The following KCNQ1 variants were observed in gnomAD, a reference collection of about 807,000 sequenced individuals.
KCNQ1 encodes the protein potassium voltage-gated channel subfamily KQT member 1.
KCNQ1 carries 49 observed loss-of-function variants against 72.4 expected under a neutral mutation model. That is an observed-to-expected ratio of 0.68 (90% CI 0.54 to 0.86). The LOEUF (loss-of-function observed/expected upper bound fraction) is 0.86. KCNQ1 is among the 40% of genes least tolerant of loss of function. The probability of loss-of-function intolerance (pLI) is 0.00; values close to 1 mark genes in which losing one functional copy is unlikely to be tolerated. For synonymous variants in KCNQ1, 450 were observed against 412.6 expected, an observed-to-expected ratio of 1.09 and a Z score of -1.10; for missense variants, 790 against 945.1, an observed-to-expected ratio of 0.84 and a Z score of 2.15.
chr11:2,501,718 C>CAAAAAAAAAAAAAAAAAAAAAAAA (rs55865890), intron 1 of KCNQ1, among the ~76,000 whole-genome samples: 1 of 68,888 alleles, frequency 1.5e-5, no homozygotes, highest in Non-Finnish European at 2.9e-5. Context: ...AAAGATACAT[C>CAAAAAAAAAAAAAAAAAAAAAAAA]AAAAAAAAAA....
rs147619994 is a variant in KCNQ1, at chr11:2,617,375, A to T, written c.1393+28521A>T. The T allele has an allele frequency of 2.1e-3, 825 of 398,454 alleles. 8 individuals carry two copies. Among genetic ancestry groups the T allele is most frequent in the African/African-American group, 0.015 (709 of 48,738 alleles). The allele number at this position is 398,454 out of a possible 1,614,324, so 24.7% of individuals were successfully genotyped here. A position where few individuals can be genotyped will look rare whatever the true frequency, so the allele number is the denominator to read the frequency against. ...TATTTAACTTAGCACAATGTCTTCC[A>T]GTTTCATCCATGTGGCAAGTGGCAG... On this transcript the variant is annotated intron_variant, in intron 10 of 15. Transcript: ENST00000155840. This position sits in a 1 kb window ranked among gnomAD's most constrained non-coding sequence, Gnocchi z 4.6.
At chr11:2,841,403 G>T (rs1355344094) in intron 15 of KCNQ1, among the ~76,000 whole-genome samples, 1 of 152,168 alleles carries the variant, frequency 6.6e-6, no homozygotes, top group East Asian at 1.9e-4. Context: ...AACAGGTTGG[G>T]GGCATAGCCA....
chr11:2,489,785 C>T (rs1846804666), intron 1 of KCNQ1, among the ~76,000 whole-genome samples: 1 of 152,154 alleles, frequency 6.6e-6, no homozygotes, highest in Admixed American at 6.5e-5. Context: ...GAAGGGAATC[C>T]ACTGCCTTGG....
chr11:2,699,514 A>AGGAGAGTGCCGCGCTGAGGAGCCCCCGG (rs1564862442), intron 11 of KCNQ1: 1 of 174,300 alleles, frequency 5.7e-6, no homozygotes, highest in African/African-American at 4.3e-5. Flanking sequence ...AGGAGCCCCC[A>AGGAGAGTGCCGCGCTGAGGAGCCCCCGG]GGAGAGTGCC....
Position 2,652,882 on chromosome 11 carries a change from G to A in KCNQ1, c.1394-9079G>A. On this transcript the variant is annotated intron_variant, in intron 10 of 15. Transcript: ENST00000155840. This position sits in a 1 kb window ranked among gnomAD's most constrained non-coding sequence, Gnocchi z 5.9. ...TACTTATTCTAAGGAGAAGTGTTTGGGGTGTGGGGTGTGGTCCTCAGTATC... is the reference window on the plus strand; with the variant it reads ...TACTTATTCTAAGGAGAAGTGTTTGAGGTGTGGGGTGTGGTCCTCAGTATC... 2.5e-6 allele frequency: 1 copy of A among 398,634 alleles called. No individual in the cohort carries two copies. Among genetic ancestry groups the A allele is most frequent in the African/African-American group, 2.1e-5 (1 of 48,730 alleles). 24.7% of individuals were successfully genotyped at this position (398,634 alleles called of 1,614,324 possible). A position where few individuals can be genotyped will look rare whatever the true frequency, so the allele number is the denominator to read the frequency against.
intron 10 of KCNQ1, chr11:2,631,978 C>T (rs914991204): frequency 2.8e-5 from 11 of 395,936 alleles, no homozygotes; most frequent in Admixed American, 1.8e-4. Context: ...GTCAGGAGAT[C>T]GAGACCATCC....
chr11:2,487,010 T>C (rs1029044183), intron 1 of KCNQ1, among the ~76,000 whole-genome samples: 1 of 152,250 alleles, frequency 6.6e-6, no homozygotes, highest in African/African-American at 2.4e-5. Flanking sequence ...TAGTTTTACG[T>C]TGCACATTTA....
chr11:2,521,232 C>T (rs1564805074), intron 1 of KCNQ1, among the ~76,000 whole-genome samples: 1 of 152,096 alleles, frequency 6.6e-6, no homozygotes, highest in African/African-American at 2.4e-5. Context: ...TCTCCCCGGC[C>T]CCGCCATCCT....
intron 13 of KCNQ1, among the ~76,000 whole-genome samples, chr11:2,776,745 G>A (rs1184149836): frequency 1.3e-5 from 2 of 152,174 alleles, no homozygotes; most frequent in Non-Finnish European, 2.9e-5. Flanking sequence ...CCCCAGGGAG[G>A]AAGTCTGAGA....
At chr11:2,527,093 G>A (rs752596435) in intron 1 of KCNQ1, among the ~76,000 whole-genome samples, 74 of 152,322 alleles carry the variant, frequency 4.9e-4, no homozygotes, top group Middle Eastern at 3.4e-3. Context: ...TGGTTCCGGC[G>A]ATCAGAGAAG....
In KCNQ1 at chr11:2,657,485, C is replaced by T. The variant is rs2133850545; in HGVS notation, c.1394-4476C>T. On this transcript the variant is annotated intron_variant, in intron 10 of 15. Transcript: ENST00000155840. The surrounding 1 kb of genome is among the most constrained non-coding windows in gnomAD (Gnocchi z 4.8). ...ATACAGGTTCTGTTTTCTCTTGTTA[C>T]CTCACATTTTTTATTTACAGAAGAG... is the stretch of plus-strand genomic sequence containing the variant. The T allele has an allele frequency of 2.5e-6, 1 of 398,430 alleles. No homozygotes were observed. 24.7% of individuals were successfully genotyped at this position (398,430 alleles called of 1,614,324 possible).
In KCNQ1 at chr11:2,712,895, G is replaced by A. The variant is rs129074; in HGVS notation, c.1514+50814G>A. Among the ~76,000 whole-genome samples the A allele has an allele frequency of 0.47, 71,750 of 151,844 alleles. 17,848 individuals carry two copies. The highest frequency in any genetic ancestry group is 0.84 in the East Asian group (4,342 of 5,154). On this transcript the variant is annotated intron_variant, in intron 11 of 15. Transcript: ENST00000155840. The surrounding 1 kb of genome is among the most constrained non-coding windows in gnomAD (Gnocchi z 6.4). ...GGGAAATGGAAGGACTGCAGCCCCC[G>A]CCTCCCTCCAAGGCAGTTGTCAGAG... is the stretch of plus-strand genomic sequence containing the variant.
chr11:2,648,604 T>G (rs1849703707), intron 10 of KCNQ1: 1 of 398,554 alleles, frequency 2.5e-6, no homozygotes, highest in Admixed American at 4.4e-5. Context: ...TGTTATTGAT[T>G]TCCAGTTTTA....
intron 15 of KCNQ1, among the ~76,000 whole-genome samples, chr11:2,834,825 C>T (rs540342247): frequency 5.9e-5 from 9 of 152,328 alleles, no homozygotes; most frequent in Non-Finnish European, 7.4e-5. Context: ...ATGCAGGTTC[C>T]GGGGCAAGAA....
Position 2,617,022 on chromosome 11 carries a change from C to T in KCNQ1, c.1393+28168C>T, listed in dbSNP as rs181241162. On this transcript the variant is annotated intron_variant, in intron 10 of 15. Transcript: ENST00000155840. The surrounding 1 kb of genome is among the most constrained non-coding windows in gnomAD (Gnocchi z 4.6). Reference sequence around the variant, plus strand: ...TAGTGTATAAAACATACAGTTAAATCGTTAACATAGTGATGCAAATTAATA... The same window carrying T: ...TAGTGTATAAAACATACAGTTAAATTGTTAACATAGTGATGCAAATTAATA... The T allele has an allele frequency of 1.0e-5, 4 of 397,560 alleles. No homozygotes were observed. Among genetic ancestry groups the T allele is most frequent in the Admixed American group, 4.4e-5 (1 of 22,656 alleles). 24.6% of individuals were successfully genotyped at this position (397,560 alleles called of 1,614,324 possible).
rs763478809 is a variant in KCNQ1 at position 2,847,908 on chromosome 11, G to A, written c.1936G>A (p.Gly646Ser). Residue 646 changes from glycine (G) to serine (S), a missense_variant, in exon 16 of 16, where the codon GGC becomes AGC. By Grantham distance (56) the Gly-to-Ser change is moderately conservative. Around this residue, in one of 5 missense-constraint regions of KCNQ1, gnomAD observed 94 missense variants for 85.2 expected, o/e 1.10. Coordinates refer to ENST00000155840, the MANE Select transcript of KCNQ1 (RefSeq NM_000218.3). ...CATCACCCAGCCCTGCGGCAGTGGC[G>A]GCTCCGTCGACCCTGAGCTCTTCCT... ...AHITQPCGSGGSVDPELFLPS... is the reference protein window; with the variant it reads ...AHITQPCGSGSSVDPELFLPS... The A allele has an allele frequency of 1.4e-5, 22 of 1,577,500 alleles. No homozygotes were observed. The highest frequency in any genetic ancestry group is 2.3e-5 in the South Asian group (2 of 86,548).
chr11:2,833,980 TG>T (rs1378572656), intron 15 of KCNQ1, among the ~76,000 whole-genome samples: 1 of 152,088 alleles, frequency 6.6e-6, no homozygotes, highest in Non-Finnish European at 1.5e-5. Context: ...CAGCAGGGGC[TG>T]GGGGGCAGCA....
chr11:2,506,896 C>A (rs1281832812), intron 1 of KCNQ1, among the ~76,000 whole-genome samples: 2 of 152,156 alleles, frequency 1.3e-5, no homozygotes, highest in African/African-American at 4.8e-5. Flanking sequence ...CTTCTCATTT[C>A]CAACTTCTTC....
rs772994014 is a variant in KCNQ1, at chr11:2,668,870, T to C, written c.1514+6789T>C. On this transcript the variant is annotated intron_variant, in intron 11 of 15. Coordinates refer to ENST00000155840, the MANE Select transcript of KCNQ1 (RefSeq NM_000218.3). This position sits in a 1 kb window ranked among gnomAD's most constrained non-coding sequence, Gnocchi z 4.3. ...TGTTTGTGTCCTATTTAAGAAACTT[T>C]GACTACTCCAAGGTCATAAAGATAT... The C allele has an allele frequency of 2.5e-6, 1 of 398,656 alleles. No individual in the cohort carries two copies. The allele number at this position is 398,656 out of a possible 1,614,324, so 24.7% of individuals were successfully genotyped here.
Sources: gnomAD v4.1 joint callset for allele counts (sites outside exome capture counted in the v4.1 genomes callset) on GRCh38, gnomAD v4.1.1 for gene constraint, gnomAD v4.1.1 regional missense constraint, Gnocchi (gnomAD v3.1) non-coding constraint, MANE v1.5 for transcripts, NCBI Gene and HGNC (gene_info 2026-07-23, HGNC 2026-07-21) for gene names.